Variants in GDAP1 observed in about 807,000 individuals in gnomAD.
The protein encoded by GDAP1 is ganglioside induced differentiation associated protein 1, also known as ganglioside-induced differentiation-associated protein 1.
In GDAP1, 34 loss-of-function variants were observed where a neutral mutation model predicts 40.1. The ratio of observed to expected loss-of-function variants is 0.85; its 90% CI spans 0.64 to 1.13. GDAP1 has a LOEUF of 1.13. GDAP1 is among the 50% of genes most tolerant of loss of function. The pLI, the probability that GDAP1 is intolerant of heterozygous loss-of-function variation, is 0.00. For synonymous variants in GDAP1, 170 were observed against 157.4 expected (o/e 1.08, Z -0.60); for missense variants, 374 against 433.7 (o/e 0.86, Z 1.22).
At position 74,365,006 on chromosome 8, in the gene GDAP1, G is replaced by A. The variant is rs1487186408; in HGVS notation, c.*639G>A. The A allele has an allele frequency of 2.2e-6, 1 of 453,938 alleles. No homozygotes were observed. Among genetic ancestry groups the A allele is most frequent in the Admixed American group, 2.4e-5 (1 of 42,542 alleles). The allele number at this position is 453,938 out of a possible 1,614,324, so 28.1% of individuals were successfully genotyped here. A position where few individuals can be genotyped will look rare whatever the true frequency, so the allele number is the denominator to read the frequency against. On this transcript the variant is annotated 3_prime_UTR_variant, in exon 6 of 6. Transcript: ENST00000220822. ...GGTCCGCAATTTGAATTACCAAGTG[G>A]TAATGGTTCCTTACTGTTTTAGATG...
chr8:74,447,671 C>T (rs1330844599), intron 2 of GDAP1, among the ~76,000 whole-genome samples: 1 of 152,158 alleles, frequency 6.6e-6, no homozygotes, highest in Non-Finnish European at 1.5e-5. Flanking sequence ...ATAAAATGGG[C>T]ACTTTCAGGA....
intron 2 of GDAP1, among the ~76,000 whole-genome samples, chr8:74,470,211 A>C (rs2131583801): frequency 6.6e-6 from 1 of 152,052 alleles, no homozygotes; most frequent in Admixed American, 6.5e-5. Context: ...ATTTATTATG[A>C]ATCTTTTAAA....
At chr8:74,426,779 A>C (rs1805952238) in intron 2 of GDAP1, among the ~76,000 whole-genome samples, 1 of 152,076 alleles carries the variant, frequency 6.6e-6, no homozygotes, top group South Asian at 2.1e-4. Context: ...TCATGTTCTC[A>C]GGCCTTTGTT....
At chr8:74,421,533 A>C (rs1332166921) in intron 2 of GDAP1, among the ~76,000 whole-genome samples, 1 of 152,150 alleles carries the variant, frequency 6.6e-6, no homozygotes, top group Non-Finnish European at 1.5e-5. Flanking sequence ...CAACCTGAAG[A>C]GCTAAGATTC....
chr8:74,472,398 A>G (rs77379008), intron 2 of GDAP1, among the ~76,000 whole-genome samples: 2,302 of 152,326 alleles, frequency 0.015, 58 homozygotes, highest in African/African-American at 0.053. Context: ...CAATGAACAT[A>G]GGGATGCATG....
chr8:74,442,831 C>T (rs1394012195), intron 2 of GDAP1, among the ~76,000 whole-genome samples: 1 of 152,116 alleles, frequency 6.6e-6, no homozygotes, highest in Non-Finnish European at 1.5e-5. Flanking sequence ...TTGGACATTT[C>T]CAGAATGTCT....
At chr8:74,431,793 A>G (rs1055256370) in intron 2 of GDAP1, among the ~76,000 whole-genome samples, 3 of 152,256 alleles carry the variant, frequency 2.0e-5, no homozygotes, top group Middle Eastern at 3.4e-3. Context: ...AAAATTCTTT[A>G]TAATAAAAAT....
At chr8:74,420,560 AGCAGCAGTAACAACACCT>A (rs1222734330) in intron 2 of GDAP1, among the ~76,000 whole-genome samples, 20 of 152,324 alleles carry the variant, frequency 1.3e-4, no homozygotes, top group Admixed American at 1.3e-3. Flanking sequence ...CAGTAACAAC[AGCAGCAGTAACAACACCT>A]GCAGCTACCG....
intron 2 of GDAP1, among the ~76,000 whole-genome samples, chr8:74,468,535 A>G (rs1806503444): frequency 6.6e-6 from 1 of 151,688 alleles, no homozygotes; most frequent in Admixed American, 6.6e-5. Flanking sequence ...ATGAATGTGT[A>G]TATATACACA....
downstream of GDAP1, among the ~76,000 whole-genome samples, chr8:74,369,440 A>G (rs928721245): frequency 1.3e-5 from 2 of 152,212 alleles, no homozygotes; most frequent in Non-Finnish European, 2.9e-5. Flanking sequence ...AAGAAACCAA[A>G]TGGAAATTTT....
At position 74,392,143 on chromosome 8, in the gene GDAP1, A is replaced by G. The variant is rs114792618; in HGVS notation, c.165+40822A>G. On this transcript the variant is annotated intron_variant, in intron 2 of 2. Transcript: ENST00000523640. Reference sequence around the variant, plus strand: ...CAGTTATTTTTATTTAATAATACATATTGATTTCAGATACAGGGCGCAATA... The same window carrying G: ...CAGTTATTTTTATTTAATAATACATGTTGATTTCAGATACAGGGCGCAATA... Among the ~76,000 whole-genome samples, 362 of 152,254 alleles carry G rather than the reference A, an allele frequency of 2.4e-3. 3 individuals carry two copies. The highest frequency in any genetic ancestry group is 8.4e-3 in the African/African-American group (351 of 41,564).
chr8:74,351,053 A>G (rs1172360878), intron 1 of GDAP1, among the ~76,000 whole-genome samples: 1 of 152,142 alleles, frequency 6.6e-6, no homozygotes, highest in African/African-American at 2.4e-5. Flanking sequence ...TGTTTAATGA[A>G]TACAGTCAGA....
At chr8:74,354,932 T>C (rs1289541181) in intron 2 of GDAP1, among the ~76,000 whole-genome samples, 2 of 152,222 alleles carry the variant, frequency 1.3e-5, no homozygotes, top group Non-Finnish European at 2.9e-5. Context: ...CAGAATGTAG[T>C]GAACCAGTAT....
intron 2 of GDAP1, among the ~76,000 whole-genome samples, chr8:74,470,962 A>G (rs1806545600): frequency 6.6e-6 from 1 of 152,184 alleles, no homozygotes; most frequent in Admixed American, 6.5e-5. Flanking sequence ...GTGAGATGGT[A>G]TCTCATTGTG....
At chr8:74,374,038 T>C (rs962903790) in intron 2 of GDAP1, among the ~76,000 whole-genome samples, 2 of 152,254 alleles carry the variant, frequency 1.3e-5, no homozygotes, top group Non-Finnish European at 2.9e-5. Context: ...TCTTTGTTTC[T>C]GTTTATATAC....
chr8:74,476,839 G>C (rs911967568), intron 2 of GDAP1, among the ~76,000 whole-genome samples: 2 of 152,194 alleles, frequency 1.3e-5, no homozygotes, highest in Non-Finnish European at 2.9e-5. Context: ...TTCTAGCTAT[G>C]TTGGGGAAGT....
intron 2 of GDAP1, among the ~76,000 whole-genome samples, chr8:74,389,172 A>T (rs1359562656): frequency 6.6e-6 from 1 of 152,050 alleles, no homozygotes; most frequent in Admixed American, 6.5e-5. Context: ...CATTTAGCCC[A>T]TTTACATTTA....
intron 2 of GDAP1, among the ~76,000 whole-genome samples, chr8:74,356,318 A>G (rs907253949): frequency 6.6e-6 from 1 of 152,196 alleles, no homozygotes; most frequent in Non-Finnish European, 1.5e-5. Flanking sequence ...TATAATATGT[A>G]TCTAACAATT....
Position 74,449,232 on chromosome 8 carries a change from G to A in GDAP1, c.166-39446G>A, listed in dbSNP as rs562911102. ...CTTATATTTATGATCCTAATTCACC[G>A]TGTTGATTACTATAGCTGAAAAGTA... On this transcript the variant is annotated intron_variant, in intron 2 of 2. Coordinates refer to the GDAP1 transcript ENST00000523640. 5.9e-5 allele frequency among the ~76,000 whole-genome samples: 9 copies of A among 151,914 alleles called. No homozygotes were observed. In the South Asian group the frequency reaches 6.2e-4, roughly 11 times the overall value.
Sources: gnomAD v4.1 joint callset for allele counts (sites outside exome capture counted in the v4.1 genomes callset) on GRCh38, gnomAD v4.1.1 for gene constraint, MANE v1.5 for transcripts, NCBI Gene and HGNC (gene_info 2026-07-23, HGNC 2026-07-21) for gene names.